Variants in FGF13 observed in about 807,000 individuals in gnomAD.
The protein encoded by FGF13 is fibroblast growth factor 13, also known as fibroblast growth factor homologous factor 2.
Under a neutral mutation model 19.5 loss-of-function variants are expected in FGF13, and 2 were observed. The ratio of observed to expected loss-of-function variants is 0.10; its 90% CI spans 0.04 to 0.32. The LOEUF (loss-of-function observed/expected upper bound fraction) is 0.32, where lower values mean the gene tolerates loss of function less well. Ranked by LOEUF, FGF13 falls within the 10% of genes least tolerant of loss-of-function variation. The pLI, the probability that FGF13 is intolerant of heterozygous loss-of-function variation, is 1.00. For synonymous variants in FGF13, 72 were observed against 76.9 expected (o/e 0.94, Z 0.33); for missense variants, 113 against 192.7 (o/e 0.59, Z 2.45).
chrX:138,682,253 T>G (rs1267557528), intron 3 of FGF13, among the ~76,000 whole-genome samples: 1 of 112,671 alleles, frequency 8.9e-6, no homozygotes, highest in East Asian at 2.8e-4. Flanking sequence ...GCTACCACTG[T>G]AATTCTTTCC....
chrX:139,136,479 C>T (rs1294647373), intron 1 of FGF13, among the ~76,000 whole-genome samples: 1 of 110,638 alleles, frequency 9.0e-6, no homozygotes, highest in African/African-American at 3.3e-5. Context: ...GTTAGGTTCT[C>T]AAGATCAAGC....
chrX:138,807,975 C>G (rs1008462520), intron 3 of FGF13, among the ~76,000 whole-genome samples: 4 of 111,428 alleles, frequency 3.6e-5, no homozygotes, highest in Non-Finnish European at 7.5e-5. Context: ...GACTTAGACT[C>G]CCACACAATG....
chrX:138,857,003 C>T (rs193184147), downstream of FGF13, among the ~76,000 whole-genome samples: 54 of 111,890 alleles, frequency 4.8e-4, no homozygotes, highest in Non-Finnish European at 1.5e-4. Context: ...CAAAGTGCAA[C>T]GGGGCGTGCA....
At chrX:138,881,221 G>A (rs1484076495) in intron 1 of FGF13, among the ~76,000 whole-genome samples, 3 of 110,771 alleles carry the variant, frequency 2.7e-5, no homozygotes, top group Admixed American at 9.7e-5. Flanking sequence ...TTTCCTTTTC[G>A]GATTTTTCAT....
rs1256045439 is a variant in FGF13 at position 138,618,141 on chromosome X, G to A, written c.*14709C>T. 8.9e-6 allele frequency: 1 copy of A among 111,791 alleles called. No homozygotes were observed. Among genetic ancestry groups the A allele is most frequent in the African/African-American group, 3.3e-5 (1 of 30,673 alleles). The allele number at this position is 111,791 out of a possible 1,213,427, so 9.2% of individuals were successfully genotyped here. Reference sequence around the variant, plus strand: ...AATTTTGACAACCACTCAAGTATGAGAGTACCTTTGTGGGAGTCTGGTAGT... The same window carrying A: ...AATTTTGACAACCACTCAAGTATGAAAGTACCTTTGTGGGAGTCTGGTAGT... On this transcript the variant is annotated 3_prime_UTR_variant, in exon 5 of 5. Coordinates refer to ENST00000315930, the MANE Select transcript of FGF13 (RefSeq NM_004114.5).
chrX:138,796,389 AG>A (rs1226129733), intron 3 of FGF13, among the ~76,000 whole-genome samples: 1 of 111,971 alleles, frequency 8.9e-6, no homozygotes, highest in African/African-American at 3.2e-5. Context: ...GTCCCTGCAA[AG>A]CACATGAACT....
intron 1 of FGF13, among the ~76,000 whole-genome samples, chrX:139,030,024 T>G (rs932076252): frequency 1.8e-5 from 2 of 111,871 alleles, no homozygotes; most frequent in Non-Finnish European, 3.8e-5. Flanking sequence ...CAAATAAGCA[T>G]GCGCCAATAA....
At chrX:138,861,173 G>A (rs1385800723) in intron 2 of FGF13, among the ~76,000 whole-genome samples, 2 of 112,317 alleles carry the variant, frequency 1.8e-5, no homozygotes, top group Admixed American at 9.4e-5. Context: ...TTCTGCCATT[G>A]TCAAGGTTAA....
At chrX:139,017,352 T>TATACAC (rs1556336371) in intron 1 of FGF13, among the ~76,000 whole-genome samples, 2 of 107,408 alleles carry the variant, frequency 1.9e-5, no homozygotes, top group African/African-American at 6.8e-5. Context: ...TATATATATA[T>TATACAC]ACACACACAC....
intron 1 of FGF13, among the ~76,000 whole-genome samples, chrX:138,717,012 TAAG>T (rs2090110644): frequency 8.9e-6 from 1 of 112,373 alleles, no homozygotes; most frequent in Admixed American, 9.4e-5. Flanking sequence ...TTCTGATCCT[TAAG>T]AAGAAAAATC....
intron 3 of FGF13, among the ~76,000 whole-genome samples, chrX:138,789,009 A>G (rs947533651): frequency 6.3e-5 from 7 of 111,686 alleles, no homozygotes; most frequent in African/African-American, 2.0e-4. Context: ...ACACCAAAAC[A>G]TGAACATGAC....
intron 2 of FGF13, among the ~76,000 whole-genome samples, chrX:138,704,538 A>G (rs1444784574): frequency 8.9e-6 from 1 of 112,276 alleles, no homozygotes; most frequent in Non-Finnish European, 1.9e-5. Context: ...GTGGGTAAGA[A>G]TAGTTTTTCT....
chrX:139,134,349 C>T (rs566547327), intron 1 of FGF13, among the ~76,000 whole-genome samples: 1 of 112,002 alleles, frequency 8.9e-6, no homozygotes, highest in South Asian at 3.7e-4. Context: ...TTCTGCAGAT[C>T]CACATAACTA....
intron 3 of FGF13, among the ~76,000 whole-genome samples, chrX:138,684,216 A>G (rs2089757382): frequency 8.9e-6 from 1 of 111,904 alleles, no homozygotes; most frequent in African/African-American, 3.2e-5. Flanking sequence ...ATCATTTGAT[A>G]TTTAAGGTAA....
chrX:138,953,367 G>A (rs1048623652), intron 1 of FGF13, among the ~76,000 whole-genome samples: 1 of 109,995 alleles, frequency 9.1e-6, no homozygotes, highest in Admixed American at 9.7e-5. Context: ...CCATAGGTGG[G>A]AATTGAACAA....
At chrX:138,713,305 G>A (rs1227955522), upstream of FGF13, among the ~76,000 whole-genome samples, 2 of 112,280 alleles carry the variant, frequency 1.8e-5, no homozygotes, top group Admixed American at 1.9e-4. Context: ...ATTCTGAAGA[G>A]TAGGAGGCTA....
At chrX:139,064,199 T>A (rs2092345697) in intron 1 of FGF13, among the ~76,000 whole-genome samples, 1 of 110,152 alleles carries the variant, frequency 9.1e-6, no homozygotes, top group Non-Finnish European at 1.9e-5. Context: ...TATTTTTTCA[T>A]CTATTTACTT....
intron 1 of FGF13, among the ~76,000 whole-genome samples, chrX:139,043,637 G>A (rs1029516147): frequency 6.3e-5 from 7 of 111,631 alleles, no homozygotes; most frequent in Non-Finnish European, 1.3e-4. Flanking sequence ...ATAATTGAGA[G>A]TAGGTATCCA....
At chrX:139,047,562 T>G (rs2092291505) in intron 1 of FGF13, among the ~76,000 whole-genome samples, 2 of 111,776 alleles carry the variant, frequency 1.8e-5, no homozygotes, top group Admixed American at 9.5e-5. Context: ...ACAATACATC[T>G]CCAGAAAATA....
Sources: gnomAD v4.1 joint callset for allele counts (sites outside exome capture counted in the v4.1 genomes callset) on GRCh38, gnomAD v4.1.1 for gene constraint, MANE v1.5 for transcripts, NCBI Gene and HGNC (gene_info 2026-07-23, HGNC 2026-07-21) for gene names.